The following HECW2 variants were observed in gnomAD, a reference collection of about 807,000 sequenced individuals.
The protein encoded by HECW2 is E3 ubiquitin-protein ligase HECW2.
In HECW2, 61 loss-of-function variants were observed where a neutral mutation model predicts 175.2. The observed-to-expected ratio is 0.35, with a 90% confidence interval of 0.28 to 0.43. The LOEUF is 0.43. Ranked by LOEUF, HECW2 falls within the 20% of genes least tolerant of loss-of-function variation. HECW2 has a pLI of 1.00. For missense variants in HECW2, 1,524 were observed against 2,000.5 expected (o/e 0.76, Z 4.54); for synonymous variants, 671 against 731.0 (o/e 0.92, Z 1.32).
chr2:196,408,151 C>G (rs1695013834), intron 2 of HECW2, among the ~76,000 whole-genome samples: 1 of 152,170 alleles, frequency 6.6e-6, no homozygotes, highest in Admixed American at 6.5e-5. Context: ...CTGATATGAT[C>G]AAAAGGCTGT....
chr2:196,261,988 T>C (rs1383118104), intron 17 of HECW2, among the ~76,000 whole-genome samples: 1 of 143,550 alleles, frequency 7.0e-6, no homozygotes, highest in East Asian at 2.0e-4. Flanking sequence ...AGAGGAATGT[T>C]TGAAAATTAC....
At chr2:196,384,133 T>C (rs1053395737) in intron 2 of HECW2, among the ~76,000 whole-genome samples, 1 of 152,208 alleles carries the variant, frequency 6.6e-6, no homozygotes, top group Non-Finnish European at 1.5e-5. Flanking sequence ...GAAGGTTGGA[T>C]TGTTTAACAA....
At chr2:196,330,509 T>A (rs994484956) in intron 4 of HECW2, among the ~76,000 whole-genome samples, 4 of 152,230 alleles carry the variant, frequency 2.6e-5, no homozygotes, top group Non-Finnish European at 4.4e-5. Flanking sequence ...TTACTCAGGC[T>A]CTTTGGAGCT....
chr2:196,224,945 C>G (rs1687797099), intron 23 of HECW2, among the ~76,000 whole-genome samples: 1 of 152,166 alleles, frequency 6.6e-6, no homozygotes, highest in African/African-American at 2.4e-5. Flanking sequence ...CCCAAGGGCC[C>G]ACAAGAAGCA....
chr2:196,489,918 A>T (rs1687127079), intron 1 of HECW2, among the ~76,000 whole-genome samples: 1 of 152,212 alleles, frequency 6.6e-6, no homozygotes, highest in African/African-American at 2.4e-5. Flanking sequence ...CAAGGGACCT[A>T]AACAGGTCTA....
chr2:196,421,633 T>A (rs941713182), intron 2 of HECW2, among the ~76,000 whole-genome samples: 19 of 152,346 alleles, frequency 1.2e-4, no homozygotes, highest in African/African-American at 3.6e-4. Flanking sequence ...CTAAACCGCA[T>A]GCAAAAGCTA....
chr2:196,382,441 G>A (rs889199368), intron 2 of HECW2, among the ~76,000 whole-genome samples: 5 of 150,882 alleles, frequency 3.3e-5, no homozygotes, highest in South Asian at 2.1e-4. Flanking sequence ...TTACTTAATC[G>A]AAAAAAGGCC....
chr2:196,293,867 TAGA>T (rs1389412957), intron 13 of HECW2, among the ~76,000 whole-genome samples: 6 of 152,158 alleles, frequency 3.9e-5, no homozygotes, highest in African/African-American at 1.4e-4. Context: ...ATTTCTATAC[TAGA>T]AGGACATGCA....
intron 1 of HECW2, chr2:196,586,661 C>T (rs1184488142): frequency 2.6e-5 from 4 of 151,800 alleles, no homozygotes; most frequent in Admixed American, 2.6e-4. Flanking sequence ...ATGAAGCCAT[C>T]ACCTTATCTG....
intron 1 of HECW2, among the ~76,000 whole-genome samples, chr2:196,583,886 G>GA (rs1352796249): frequency 6.6e-6 from 1 of 152,122 alleles, no homozygotes; most frequent in African/African-American, 2.4e-5. Flanking sequence ...AAGACTAATG[G>GA]AAAACAATAA....
chr2:196,366,497 T>C (rs1445002660), intron 2 of HECW2, among the ~76,000 whole-genome samples: 1 of 152,176 alleles, frequency 6.6e-6, no homozygotes, highest in Non-Finnish European at 1.5e-5. Context: ...CACAAGCATA[T>C]GTAATGTGCC....
At chr2:196,333,407 G>A (rs993977853) in intron 4 of HECW2, among the ~76,000 whole-genome samples, 6 of 152,152 alleles carry the variant, frequency 3.9e-5, no homozygotes, top group African/African-American at 1.4e-4. Flanking sequence ...ACAGCATAGG[G>A]TGAGTCTGAA....
chr2:196,339,699 C>A (rs534927466), intron 3 of HECW2, among the ~76,000 whole-genome samples: 5 of 152,324 alleles, frequency 3.3e-5, no homozygotes, highest in South Asian at 2.1e-4. Flanking sequence ...ATGAAACAGA[C>A]ATTCTGGCCT....
intron 2 of HECW2, among the ~76,000 whole-genome samples, chr2:196,375,065 G>A (rs1694013330): frequency 2.6e-5 from 4 of 151,674 alleles, no homozygotes; most frequent in Admixed American, 2.6e-4. Flanking sequence ...GGGAGGCTGA[G>A]GCAGAATTGC....
chr2:196,491,875 G>C (rs976406758), intron 1 of HECW2, among the ~76,000 whole-genome samples: 7 of 151,976 alleles, frequency 4.6e-5, no homozygotes, highest in Admixed American at 4.6e-4. Flanking sequence ...TACATGATTG[G>C]CTTCTGAGAT....
intron 14 of HECW2, among the ~76,000 whole-genome samples, chr2:196,283,901 T>G (rs1364291965): frequency 6.6e-6 from 1 of 152,134 alleles, no homozygotes; most frequent in African/African-American, 2.4e-5. Context: ...AATTCCCAAT[T>G]TAAGTGAAAT....
At chr2:196,324,626 T>C (rs1304815415) in intron 6 of HECW2, among the ~76,000 whole-genome samples, 2 of 152,202 alleles carry the variant, frequency 1.3e-5, no homozygotes, top group East Asian at 1.9e-4. Context: ...GGCCCTACTA[T>C]GACTCTACAA....
At chr2:196,357,688 G>A (rs1693425676) in intron 2 of HECW2, among the ~76,000 whole-genome samples, 1 of 152,188 alleles carries the variant, frequency 6.6e-6, no homozygotes, top group Non-Finnish European at 1.5e-5. Context: ...AGGGAGGGAG[G>A]TCATTGGATC....
At chr2:196,331,355 A>C in intron 4 of HECW2, 284 of 866,472 alleles carry the variant, frequency 3.3e-4, no homozygotes, top group Middle Eastern at 5.9e-4. Context: ...TGGCTATCTC[A>C]TCCTGCTTTC....
Sources: gnomAD v4.1 joint callset for allele counts (sites outside exome capture counted in the v4.1 genomes callset) on GRCh38, gnomAD v4.1.1 for gene constraint, MANE v1.5 for transcripts, NCBI Gene and HGNC (gene_info 2026-07-23, HGNC 2026-07-21) for gene names.